The following DYNLT2B variants were observed in gnomAD, a reference collection of about 807,000 sequenced individuals.
DYNLT2B encodes dynein light chain Tctex-type protein 2B.
A neutral mutation model predicts 19.5 loss-of-function variants in DYNLT2B; 14 were observed. That is an observed-to-expected ratio of 0.72 (90% CI 0.47 to 1.12). The LOEUF is 1.12. DYNLT2B is among the 50% of genes most tolerant of loss of function. The probability of loss-of-function intolerance (pLI) is 0.00; values close to 1 mark genes in which losing one functional copy is unlikely to be tolerated. For synonymous variants in DYNLT2B, 70 were observed against 59.7 expected, an observed-to-expected ratio of 1.17 and a Z score of -0.79; for missense variants, 133 against 174.7, an observed-to-expected ratio of 0.76 and a Z score of 1.35.
intron 2 of DYNLT2B, among the ~76,000 whole-genome samples, chr3:196,311,237 A>G (rs918351456): frequency 6.6e-6 from 1 of 152,134 alleles, no homozygotes; most frequent in Non-Finnish European, 1.5e-5. Flanking sequence ...CAAAATGGCA[A>G]AACCCCGTCT....
chr3:196,296,809 G>A (rs1357183421), intron 3 of DYNLT2B, among the ~76,000 whole-genome samples: 2 of 152,184 alleles, frequency 1.3e-5, no homozygotes, highest in Non-Finnish European at 2.9e-5. Flanking sequence ...AGCAACTCAG[G>A]AGGCTGAGAC....
chr3:196,316,073 CA>C, intron 2 of DYNLT2B, 24 bp downstream of exon 2: 1 of 1,608,938 alleles, frequency 6.2e-7, no homozygotes, highest in Non-Finnish European at 8.5e-7. Context: ...GAGAATGAGT[CA>C]TTTCCAGTTA....
At chr3:196,295,857 A>G in intron 4 of DYNLT2B, 149 bp downstream of exon 4, 1 of 678,634 alleles carries the variant, frequency 1.5e-6, no homozygotes, top group East Asian at 2.8e-5. Context: ...CTTTAGTAAC[A>G]CAAAAACTAA....
At chr3:196,300,777 T>G (rs891336644) in intron 3 of DYNLT2B, among the ~76,000 whole-genome samples, 5 of 139,552 alleles carry the variant, frequency 3.6e-5, no homozygotes, top group Non-Finnish European at 7.7e-5. Flanking sequence ...AGGCTGGGTG[T>G]GGTGGCTCAC....
At chr3:196,296,143 C>CA (rs1165573160) in intron 3 of DYNLT2B, 74 bp from the exon 4 acceptor site, 4 of 1,264,486 alleles carry the variant, frequency 3.2e-6, no homozygotes, top group African/African-American at 1.5e-5. Context: ...CCACGAGAAA[C>CA]AGTGTTCCTT....
intron 2 of DYNLT2B, among the ~76,000 whole-genome samples, chr3:196,311,359 C>T (rs956320009): frequency 1.3e-5 from 2 of 151,176 alleles, no homozygotes; most frequent in African/African-American, 4.9e-5. Flanking sequence ...CAAGACTGCG[C>T]CACTGCATTC....
At chr3:196,306,169 T>C (rs1244657443) in intron 3 of DYNLT2B, among the ~76,000 whole-genome samples, 1 of 150,534 alleles carries the variant, frequency 6.6e-6, no homozygotes, top group African/African-American at 2.5e-5. Flanking sequence ...TCCACCACTT[T>C]AGGAGGCCAA....
intron 4 of DYNLT2B, among the ~76,000 whole-genome samples, chr3:196,294,987 A>G (rs543698122): frequency 1.3e-3 from 192 of 151,936 alleles, no homozygotes; most frequent in African/African-American, 4.2e-3. Flanking sequence ...AGTGATCCAC[A>G]TGCCTCGGCC....
chr3:196,308,833 T>A (rs1726557943), intron 2 of DYNLT2B, among the ~76,000 whole-genome samples: 1 of 152,102 alleles, frequency 6.6e-6, no homozygotes, highest in Non-Finnish European at 1.5e-5. Context: ...TACAGAAATG[T>A]GTCTAGAATA....
chr3:196,315,428 A>AT (rs1233307339), intron 2 of DYNLT2B: 6 of 301,978 alleles, frequency 2.0e-5, no homozygotes, highest in Admixed American at 1.4e-4. Flanking sequence ...ACACCCAGCT[A>AT]TTTTTTGTAT....
chr3:196,315,730 G>A (rs1726770363), intron 2 of DYNLT2B, among the ~76,000 whole-genome samples: 1 of 152,078 alleles, frequency 6.6e-6, no homozygotes, highest in Non-Finnish European at 1.5e-5. Flanking sequence ...AAATTAGCCA[G>A]GCGTGATGGT....
intron 3 of DYNLT2B, among the ~76,000 whole-genome samples, chr3:196,306,332 G>A (rs910424598): frequency 4.6e-5 from 7 of 150,964 alleles, no homozygotes; most frequent in Admixed American, 2.0e-4. Flanking sequence ...GGAGGCTGAG[G>A]CAGGAGGATC....
At chr3:196,306,730 G>A (rs550429600) in intron 3 of DYNLT2B, among the ~76,000 whole-genome samples, 20 of 151,852 alleles carry the variant, frequency 1.3e-4, no homozygotes, top group Non-Finnish European at 2.4e-4. Flanking sequence ...TAGTAGAGAC[G>A]GGGTTTCGCC....
chr3:196,297,853 G>A (rs1481460719), intron 3 of DYNLT2B, among the ~76,000 whole-genome samples: 5 of 151,870 alleles, frequency 3.3e-5, no homozygotes, highest in Non-Finnish European at 7.4e-5. Flanking sequence ...TATTATATTG[G>A]TTCTTTTTTT....
chr3:196,306,254 A>G (rs1343542888), intron 3 of DYNLT2B, among the ~76,000 whole-genome samples: 1 of 150,616 alleles, frequency 6.6e-6, no homozygotes, highest in Non-Finnish European at 1.5e-5. Flanking sequence ...CTGCAAAAAA[A>G]AAAAAAAAAA....
intron 2 of DYNLT2B, among the ~76,000 whole-genome samples, chr3:196,311,493 C>T (rs1320491819): frequency 6.6e-6 from 1 of 151,272 alleles, no homozygotes; most frequent in Admixed American, 6.6e-5. Context: ...TATTTGGTGT[C>T]CTGAAGAAAA....
intron 4 of DYNLT2B, among the ~76,000 whole-genome samples, chr3:196,291,763 A>G (rs1184287540): frequency 6.6e-6 from 1 of 152,232 alleles, no homozygotes; most frequent in East Asian, 1.9e-4. Context: ...CATAGGCGTG[A>G]GCCACCTCAC....
Position 196,296,080 on chromosome 3 carries a change from CAAG to C in DYNLT2B, c.318-14_318-12del. 6.2e-7 allele frequency: 1 copy of C among 1,611,950 alleles called. No homozygotes were observed. Among genetic ancestry groups the C allele is most frequent in the Non-Finnish European group, 8.5e-7 (1 of 1,178,256 alleles). Reference sequence around the variant, plus strand: ...CAGCGAGAAGCCATGCTAAAAAATCCAAGAATGAAGAATTATCAACAATCTAAC... The same window carrying C: ...CAGCGAGAAGCCATGCTAAAAAATCCAATGAAGAATTATCAACAATCTAAC... On this transcript the variant is annotated splice_polypyrimidine_tract_variant and intron_variant, in intron 3 of 4. Transcript: ENST00000325318.
chr3:196,316,005 C>A, intron 2 of DYNLT2B, 93 bp downstream of exon 2: 1 of 1,416,472 alleles, frequency 7.1e-7, no homozygotes, highest in East Asian at 2.4e-5. Flanking sequence ...ACACCTGGCC[C>A]CAATGTCCTT....
Sources: gnomAD v4.1 joint callset for allele counts (sites outside exome capture counted in the v4.1 genomes callset) on GRCh38, gnomAD v4.1.1 for gene constraint, MANE v1.5 for transcripts, NCBI Gene and HGNC (gene_info 2026-07-23, HGNC 2026-07-21) for gene names.